Variants in CD300LF observed in about 807,000 individuals in gnomAD.
CD300LF encodes the protein CD300 molecule like family member f.
Under a neutral mutation model 32.2 loss-of-function variants are expected in CD300LF, and 27 were observed. The ratio of observed to expected loss-of-function variants is 0.84; its 90% CI spans 0.62 to 1.15. The LOEUF (loss-of-function observed/expected upper bound fraction) is 1.15. CD300LF is among the 50% of genes most tolerant of loss of function. CD300LF has a pLI of 0.00. For missense variants in CD300LF, 348 were observed against 356.8 expected (o/e 0.98, Z 0.20); for synonymous variants, 139 against 143.2 (o/e 0.97, Z 0.21).
intron 3 of CD300LF, among the ~76,000 whole-genome samples, chr17:74,702,387 T>C (rs2033131794): frequency 1.3e-5 from 2 of 152,198 alleles, no homozygotes; most frequent in Non-Finnish European, 2.9e-5. Flanking sequence ...CAGTTTCTTC[T>C]TCTGTAAAAT....
intron 4 of CD300LF, among the ~76,000 whole-genome samples, chr17:74,697,540 G>A (rs930499448): frequency 1.9e-4 from 29 of 152,324 alleles, no homozygotes; most frequent in South Asian, 1.7e-3. Flanking sequence ...CTTCCCAGGC[G>A]AAAGATTTCC....
At chr17:74,706,343 C>A (rs1395966427) in intron 1 of CD300LF, among the ~76,000 whole-genome samples, 4 of 135,012 alleles carry the variant, frequency 3.0e-5, no homozygotes, top group Non-Finnish European at 6.4e-5. Context: ...TGTGCCTGGC[C>A]TTTTTTTTTT....
chr17:74,709,599 G>A (rs777434993), intron 1 of CD300LF, among the ~76,000 whole-genome samples: 7 of 151,782 alleles, frequency 4.6e-5, no homozygotes, highest in Non-Finnish European at 1.0e-4. Flanking sequence ...TTGCTTGGTC[G>A]CCTGTCACCC....
intron 6 of CD300LF, among the ~76,000 whole-genome samples, chr17:74,695,492 T>G (rs4789092): frequency 0.12 from 18,353 of 152,180 alleles, 2,399 homozygotes; most frequent in African/African-American, 0.32. Flanking sequence ...TCACTCAGCC[T>G]GTCTGGGACT....
chr17:74,708,153 A>G (rs985825484), intron 1 of CD300LF, among the ~76,000 whole-genome samples: 12 of 151,770 alleles, frequency 7.9e-5, no homozygotes, highest in Non-Finnish European at 1.8e-4. Flanking sequence ...ATCTCAAAAA[A>G]AAAAAAAAGA....
intron 1 of CD300LF, among the ~76,000 whole-genome samples, chr17:74,708,944 G>A (rs2033751497): frequency 6.6e-6 from 1 of 150,766 alleles, no homozygotes; most frequent in Admixed American, 6.6e-5. Context: ...CAATAAGGAG[G>A]CCAGGCACGG....
intron 5 of CD300LF, 113 bp from the exon 6 acceptor site, chr17:74,695,972 C>A: frequency 7.4e-7 from 1 of 1,358,170 alleles, no homozygotes; most frequent in Non-Finnish European, 1.0e-6. Context: ...GCCCCTCTCC[C>A]ATTTCCCTCC....
chr17:74,698,517 C>T, intron 3 of CD300LF, 36 bp from the exon 4 acceptor site: 1 of 1,583,546 alleles, frequency 6.3e-7, no homozygotes, highest in Non-Finnish European at 8.6e-7. Flanking sequence ...GCATCCCAGG[C>T]TCACCACCTG....
chr17:74,702,920 A>T lies in CD300LF; in HGVS notation c.446+115T>A, dbSNP rs2033185355. 1.3e-5 allele frequency: 11 copies of T among 848,016 alleles called. No individual in the cohort carries two copies. The East Asian group carries it at 2.7e-4, about 21-fold the overall frequency. 52.5% of individuals were successfully genotyped at this position (848,016 alleles called of 1,614,324 possible). ...AAGGGCTCCCAGCTTCCTCATCCTC[A>T]CCAAGGAGCATGCAGGTCCCAGACA... On this transcript the variant is annotated intron_variant, in intron 3 of 6. Transcript: ENST00000326165.
At chr17:74,705,524 T>A (rs977863878) in intron 1 of CD300LF, 3 of 458,188 alleles carry the variant, frequency 6.5e-6, no homozygotes, top group African/African-American at 2.0e-5. Context: ...CTGATTACTA[T>A]CACCTTGTAG....
chr17:74,695,751 G>A lies in CD300LF; in HGVS notation c.691C>T (p.Gln231Ter). 6.2e-7 allele frequency: 1 copy of A among 1,614,110 alleles called. No homozygotes were observed. Residue 231 changes from glutamine (Q) to a stop codon, truncating the protein, a stop_gained, in exon 6 of 7, where the codon CAG (glutamine) becomes TAG (stop). Transcript: ENST00000326165. LOFTEE classifies it low-confidence loss of function (END_TRUNC). ...TTKLSSAQVDQVEVEYVTMAS... is the reference protein window; with the variant it reads ...TTKLSSAQVD Reference sequence around the variant, plus strand: ...ATGGTGACATATTCCACTTCCACCTGGTCAACCTGGGCAGAGGAAAGCTTC... The same window carrying A: ...ATGGTGACATATTCCACTTCCACCTAGTCAACCTGGGCAGAGGAAAGCTTC...
intron 4 of CD300LF, among the ~76,000 whole-genome samples, chr17:74,698,156 T>C (rs1352158105): frequency 6.6e-6 from 1 of 151,976 alleles, no homozygotes; most frequent in Non-Finnish European, 1.5e-5. Flanking sequence ...AGGACGGAGG[T>C]GCAGGGCAGG....
chr17:74,698,899 G>T (rs1006833158), intron 3 of CD300LF, among the ~76,000 whole-genome samples: 32 of 152,118 alleles, frequency 2.1e-4, no homozygotes, highest in Admixed American at 1.4e-3. Context: ...TTTAACAAAA[G>T]ATAGTTGTTT....
intron 1 of CD300LF, chr17:74,705,173 T>C: frequency 1.4e-6 from 1 of 695,178 alleles, no homozygotes; most frequent in Non-Finnish European, 2.6e-6. Flanking sequence ...GGGGAGGAAA[T>C]ACCAGGAGAC....
At chr17:74,699,457 G>A (rs1359744921) in intron 3 of CD300LF, among the ~76,000 whole-genome samples, 1 of 152,144 alleles carries the variant, frequency 6.6e-6, no homozygotes, top group Non-Finnish European at 1.5e-5. Context: ...TGATTAGCAT[G>A]GGCCCTGATC....
rs184863514 is a variant in CD300LF at position 74,701,089 on chromosome 17, A to G, written c.446+1946T>C. Among the ~76,000 whole-genome samples the G allele has an allele frequency of 1.8e-4, 27 of 152,364 alleles. No individual in the cohort carries two copies. The East Asian group carries it at 4.6e-3, about 26-fold the overall frequency. On this transcript the variant is annotated intron_variant, in intron 3 of 6. Transcript: ENST00000326165. ...ACTTGATCTCAGACTTTTAGCCTCC[A>G]GAATTGTGAGAAAATAAATTTTTGT...
intron 5 of CD300LF, 31 bp downstream of exon 5, chr17:74,696,164 C>T: frequency 1.3e-6 from 2 of 1,587,816 alleles, no homozygotes; most frequent in Non-Finnish European, 8.5e-7. Flanking sequence ...GCTGCCTGGT[C>T]TCTCTGGTCC....
Position 74,695,217 on chromosome 17 carries a change from G to C in CD300LF, c.752C>G (p.Ser251Cys), listed in dbSNP as rs1182112513. 1 of 1,614,060 alleles carries C rather than the reference G, an allele frequency of 6.2e-7. No homozygotes were observed. Among genetic ancestry groups the C allele is most frequent in the Admixed American group, 1.7e-5 (1 of 60,002 alleles). The change falls in exon 7 of 7, where the codon TCT (serine) becomes TGT (cysteine). Residue 251 changes from serine (S) to cysteine (C), a missense_variant. By Grantham distance (112) the Ser-to-Cys change is moderately radical. Coordinates refer to ENST00000326165, the MANE Select transcript of CD300LF (RefSeq NM_139018.5). ...CTGATCCTCAGCACCCAAGGTCAGA[G>C]ATGCATAGGAAATGTCCTCCTTCGG... ...SLPKEDISYASLTLGAEDQEP... is the reference protein window; with the variant it reads ...SLPKEDISYACLTLGAEDQEP...
At chr17:74,711,142 AG>A (rs2033934666) in intron 1 of CD300LF, among the ~76,000 whole-genome samples, 1 of 152,206 alleles carries the variant, frequency 6.6e-6, no homozygotes, top group African/African-American at 2.4e-5. Flanking sequence ...AGAGGGAAAC[AG>A]GGTAAGCACA....
Sources: gnomAD v4.1 joint callset for allele counts (sites outside exome capture counted in the v4.1 genomes callset) on GRCh38, gnomAD v4.1.1 for gene constraint, MANE v1.5 for transcripts, NCBI Gene and HGNC (gene_info 2026-07-23, HGNC 2026-07-21) for gene names.